The following RHBDD2 variants were observed in gnomAD, a reference collection of about 807,000 sequenced individuals.
RHBDD2 encodes the protein rhomboid domain-containing protein 2.
A neutral mutation model predicts 21.7 loss-of-function variants in RHBDD2; 13 were observed. The ratio of observed to expected loss-of-function variants is 0.60; its 90% CI spans 0.39 to 0.95. RHBDD2 has a LOEUF of 0.95. Ranked by LOEUF, RHBDD2 falls within the 40% of genes least tolerant of loss-of-function variation. RHBDD2 has a pLI of 0.00. For synonymous variants in RHBDD2, 225 were observed against 220.0 expected (o/e 1.02, Z -0.20); for missense variants, 473 against 478.9 (o/e 0.99, Z 0.11).
chr7:75,881,242 T>G (rs2115991020), intron 1 of RHBDD2: 17 of 770,380 alleles, frequency 2.2e-5, no homozygotes, highest in Non-Finnish European at 3.1e-5. Context: ...AGTTTACCTG[T>G]GAGATCGGAT....
intron 2 of RHBDD2, among the ~76,000 whole-genome samples, 167 bp downstream of exon 2, chr7:75,882,403 A>G (rs1585056785): frequency 6.6e-6 from 1 of 152,038 alleles, no homozygotes; most frequent in African/African-American, 2.4e-5. Flanking sequence ...ACTCACTGCA[A>G]CCTCTGCCTC....
At chr7:75,881,613 TG>T in intron 1 of RHBDD2, 1 of 1,112,264 alleles carries the variant, frequency 9.0e-7, no homozygotes, top group Non-Finnish European at 1.2e-6. Context: ...GCACCAGGCC[TG>T]GGGAAGTGTA....
At chr7:75,887,892 A>G (rs1413821251) in intron 3 of RHBDD2, 100 bp from the exon 4 acceptor site, 3 of 965,416 alleles carry the variant, frequency 3.1e-6, no homozygotes, top group Non-Finnish European at 4.8e-6. Flanking sequence ...AAAACATCCA[A>G]GGCATGTTGT....
chr7:75,886,437 C>T (rs186917089), intron 3 of RHBDD2, among the ~76,000 whole-genome samples: 91 of 152,222 alleles, frequency 6.0e-4, no homozygotes, highest in Middle Eastern at 6.8e-3. Flanking sequence ...AAGGAATCCC[C>T]TCTGTAATAG....
Position 75,883,808 on chromosome 7 carries a change from T to A in RHBDD2, c.697T>A (p.Ser233Thr). Residue 233 changes from serine (S) to threonine (T), a missense_variant, in exon 3 of 4, where the codon TCA becomes ACA. Coordinates refer to ENST00000006777, the MANE Select transcript of RHBDD2 (RefSeq NM_001040456.3). ...GAGGATATCCGTGTTCAAGTACGTC[T>A]CAGGGTCTTCAGCCGAGAGGAGGGC... is the stretch of plus-strand genomic sequence containing the variant. ...MRRISVFKYV[S>T]GSSAERRAAQ... The A allele has an allele frequency of 6.2e-7, 1 of 1,613,974 alleles. No individual in the cohort carries two copies. The highest frequency in any genetic ancestry group is 8.5e-7 in the Non-Finnish European group (1 of 1,179,950).
At chr7:75,884,313 G>A (rs35144704) in intron 3 of RHBDD2, among the ~76,000 whole-genome samples, 5 of 151,828 alleles carry the variant, frequency 3.3e-5, no homozygotes, top group South Asian at 2.1e-4. Flanking sequence ...CCTCACACTC[G>A]TGGACTCAAG....
rs1430887133 is a variant in RHBDD2, at chr7:75,888,300, C to T, written c.1046C>T (p.Thr349Ile). The change falls in exon 4 of 4, where the codon ACA (threonine) becomes ATA (isoleucine). Residue 349 changes from threonine to isoleucine, a missense_variant. Thr to Ile is a moderately conservative substitution (Grantham distance 89). Coordinates refer to ENST00000006777, the MANE Select transcript of RHBDD2 (RefSeq NM_001040456.3). ...ACGGTGTATTCTGGGGCCTTGGGCA[C>T]ACCAGGGGCTGCAGGCTCCAAGGAG... Reference protein sequence around the residue: ...PGTVYSGALGTPGAAGSKESS... With the variant: ...PGTVYSGALGIPGAAGSKESS... The T allele has an allele frequency of 1.2e-6, 2 of 1,612,954 alleles. No homozygotes were observed. Among genetic ancestry groups the T allele is most frequent in the East Asian group, 4.5e-5 (2 of 44,866 alleles).
rs368904185 is a variant in RHBDD2, at chr7:75,881,920, C to T, written c.270C>T (p.Phe90=). Reference sequence around the variant, plus strand: ...TCATCTGGCGCTTTGCTGGCAATTTCGAGAGAACCGTGGGCACCGTCCGCC... The same window carrying T: ...TCATCTGGCGCTTTGCTGGCAATTTTGAGAGAACCGTGGGCACCGTCCGCC... ...AIIIWRFAGN[F]ERTVGTVRHC... is the part of the protein sequence containing the mutation. Residue 90 remains phenylalanine, a synonymous_variant, in exon 2 of 4, where the codon TTC becomes TTT. Coordinates refer to ENST00000006777, the MANE Select transcript of RHBDD2 (RefSeq NM_001040456.3). 1.5e-5 allele frequency: 24 copies of T among 1,614,224 alleles called. No individual in the cohort carries two copies. The African/African-American group carries it at 2.3e-4, about 15-fold the overall frequency.
rs201214533 is a variant in RHBDD2 at position 75,883,845 on chromosome 7, G to A, written c.734G>A (p.Arg245Gln). Residue 245 changes from arginine to glutamine, a missense_variant, in exon 3 of 4, where the codon CGG becomes CAG. Coordinates refer to ENST00000006777, the MANE Select transcript of RHBDD2 (RefSeq NM_001040456.3). ...GCCGAGAGGAGGGCAGCCCAGAGCCGGAAGTAAGTGACAGAACTCTTAAGT... is the reference window on the plus strand; with the variant it reads ...GCCGAGAGGAGGGCAGCCCAGAGCCAGAAGTAAGTGACAGAACTCTTAAGT... Reference protein sequence around the residue: ...SSAERRAAQSRKLNPVPGSYP... With the variant: ...SSAERRAAQSQKLNPVPGSYP... The A allele has an allele frequency of 1.9e-5, 30 of 1,609,580 alleles. No individual in the cohort carries two copies. The African/African-American group carries it at 2.0e-4, about 11-fold the overall frequency.
chr7:75,885,651 G>A (rs1302285428), intron 3 of RHBDD2, among the ~76,000 whole-genome samples: 3 of 152,036 alleles, frequency 2.0e-5, no homozygotes, highest in African/African-American at 4.8e-5. Flanking sequence ...TCATGGCACC[G>A]GCCTCAGGCA....
rs782079348 is a variant in RHBDD2 at position 75,881,892 on chromosome 7, T to C, written c.242T>C (p.Ile81Thr). The C allele has an allele frequency of 1.9e-6, 3 of 1,614,168 alleles. No homozygotes were observed. Among genetic ancestry groups the C allele is most frequent in the Non-Finnish European group, 2.5e-6 (3 of 1,180,012 alleles). ...CCCATCTCCCTGCTCTGCGGCGCTA[T>C]CATCATCTGGCGCTTTGCTGGCAAT... ...ENPISLLCGAIIIWRFAGNFE... is the reference protein window; with the variant it reads ...ENPISLLCGATIIWRFAGNFE... Residue 81 changes from isoleucine to threonine, a missense_variant, in exon 2 of 4, where the codon ATC (isoleucine) becomes ACC (threonine). Ile to Thr is a moderately conservative substitution (Grantham distance 89). Coordinates refer to ENST00000006777, the MANE Select transcript of RHBDD2 (RefSeq NM_001040456.3).
intron 3 of RHBDD2, 26 bp downstream of exon 3, chr7:75,883,874 G>T: frequency 1.3e-6 from 2 of 1,547,826 alleles, no homozygotes; most frequent in African/African-American, 1.4e-5. Flanking sequence ...CTTAAGTGCT[G>T]TTAAATCTTT....
chr7:75,886,631 G>A (rs1301922280), intron 3 of RHBDD2, among the ~76,000 whole-genome samples: 8 of 152,012 alleles, frequency 5.3e-5, no homozygotes, highest in Non-Finnish European at 1.0e-4. Flanking sequence ...TGGCTAACAC[G>A]GTGAAACCCC....
chr7:75,883,786 G>A lies in RHBDD2; in HGVS notation c.675G>A (p.Arg225=). ...CCTTCCCCTTCAGCCTGATGAGGAG[G>A]ATATCCGTGTTCAAGTACGTCTCAG... ...DQTFPFSLMR[R]ISVFKYVSGS... is the part of the protein sequence containing the mutation. The change falls in exon 3 of 4, where the codon AGG becomes AGA. Residue 225 remains arginine, a synonymous_variant. Transcript: ENST00000006777. The A allele has an allele frequency of 1.2e-6, 2 of 1,614,044 alleles. No individual in the cohort carries two copies. The highest frequency in any genetic ancestry group is 1.1e-5 in the South Asian group (1 of 91,082).
At position 75,883,462 on chromosome 7, in the gene RHBDD2, G is replaced by A. The variant is rs1805450550; in HGVS notation, c.587-236G>A. The A allele has an allele frequency of 1.3e-5, 4 of 314,626 alleles. No individual in the cohort carries two copies. In the South Asian group the frequency reaches 2.2e-4, roughly 17 times the overall value. 19.5% of individuals were successfully genotyped at this position (314,626 alleles called of 1,614,324 possible). On this transcript the variant is annotated intron_variant, in intron 2 of 3. Coordinates refer to ENST00000006777, the MANE Select transcript of RHBDD2 (RefSeq NM_001040456.3). The stretch of plus-strand genomic sequence containing the variant: ...TGATCTGGGAGGCGGAGCTTGCAGT[G>A]AGCCAAGATCACACCACTGCACTCC...
intron 2 of RHBDD2, 51 bp downstream of exon 2, chr7:75,882,287 C>G: frequency 6.7e-7 from 1 of 1,501,190 alleles, no homozygotes; most frequent in Admixed American, 2.1e-5. Context: ...AAGGGTGAAC[C>G]AGGCTGGAGG....
intron 1 of RHBDD2, among the ~76,000 whole-genome samples, chr7:75,880,807 C>T (rs183145506): frequency 6.6e-6 from 1 of 152,238 alleles, no homozygotes. Context: ...CTCACTGCAG[C>T]GTTCAACTCC....
chr7:75,884,059 A>AT (rs1805504856), intron 3 of RHBDD2, among the ~76,000 whole-genome samples: 1 of 151,410 alleles, frequency 6.6e-6, no homozygotes, highest in Admixed American at 6.6e-5. Context: ...CATCCAGCTA[A>AT]TTTTTTTGTA....
At chr7:75,881,624 AG>A (rs1177170600) in intron 1 of RHBDD2, 1 of 1,053,406 alleles carries the variant, frequency 9.5e-7, no homozygotes, top group African/African-American at 1.6e-5. Context: ...GGGGAAGTGT[AG>A]GGATTAGATA....
Sources: gnomAD v4.1 joint callset for allele counts (sites outside exome capture counted in the v4.1 genomes callset) on GRCh38, gnomAD v4.1.1 for gene constraint, MANE v1.5 for transcripts, NCBI Gene and HGNC (gene_info 2026-07-23, HGNC 2026-07-21) for gene names.